Variants in LPIN1 observed in about 807,000 individuals in gnomAD.
LPIN1 encodes lipin 1.
LPIN1 carries 71 observed loss-of-function variants against 107.5 expected under a neutral mutation model. The ratio of observed to expected loss-of-function variants is 0.66; its 90% CI spans 0.55 to 0.80. LPIN1 has a LOEUF of 0.80. Ranked by LOEUF, LPIN1 falls within the 30% of genes least tolerant of loss-of-function variation. The probability of loss-of-function intolerance (pLI) is 0.00; values close to 1 mark genes in which losing one functional copy is unlikely to be tolerated. For synonymous variants in LPIN1, 445 were observed against 452.6 expected, an observed-to-expected ratio of 0.98 and a Z score of 0.21; for missense variants, 1,043 against 1,160.6, an observed-to-expected ratio of 0.90 and a Z score of 1.47.
chr2:11,741,462 T>G (rs1281221023), intron 2 of LPIN1: 17 of 1,406,614 alleles, frequency 1.2e-5, no homozygotes, highest in Non-Finnish European at 1.7e-5. Context: ...CTATTACTGT[T>G]AAGGTGTTAT....
In LPIN1 at chr2:11,697,550, C is replaced by T. The variant is rs114911827; in HGVS notation, c.82-16206C>T. Among the ~76,000 whole-genome samples the T allele has an allele frequency of 2.0e-5, 3 of 152,302 alleles. No individual in the cohort carries two copies. Among genetic ancestry groups the T allele is most frequent in the Non-Finnish European group, 4.4e-5 (3 of 68,014 alleles). Reference sequence around the variant, plus strand: ...CCTTCCTCCCTAGCACTTGGGTGCCCAGTGCTTGCTGAACCGTGGTGACCT... The same window carrying T: ...CCTTCCTCCCTAGCACTTGGGTGCCTAGTGCTTGCTGAACCGTGGTGACCT... On this transcript the variant is annotated intron_variant, in intron 1 of 21. Transcript: ENST00000449576. This position sits in a 1 kb window ranked among gnomAD's most constrained non-coding sequence, Gnocchi z 4.6.
At chr2:11,683,718 CCTGCA>C (rs1217981977) in intron 1 of LPIN1, among the ~76,000 whole-genome samples, 1 of 152,196 alleles carries the variant, frequency 6.6e-6, no homozygotes, top group African/African-American at 2.4e-5. Context: ...CCTGCCCTGC[CCTGCA>C]CTGCCGCTCT....
chr2:11,700,495 TTC>T (rs1318249122), intron 1 of LPIN1, among the ~76,000 whole-genome samples: 42 of 151,130 alleles, frequency 2.8e-4, no homozygotes, highest in African/African-American at 8.2e-4. Context: ...CTCGCTCTCA[TTC>T]TCTCTCTCTC....
intron 1 of LPIN1, among the ~76,000 whole-genome samples, chr2:11,737,338 A>G (rs1398205636): frequency 6.6e-6 from 1 of 152,174 alleles, no homozygotes; most frequent in African/African-American, 2.4e-5. Flanking sequence ...AGACTTCATG[A>G]GTAAAACACC....
chr2:11,714,800 C>T (rs116773585), intron 2 of LPIN1, among the ~76,000 whole-genome samples: 5,303 of 152,288 alleles, frequency 0.035, 150 homozygotes, highest in Middle Eastern at 0.11. Flanking sequence ...CACTTAGTCT[C>T]CACCCTCGAG....
At chr2:11,763,420 T>G (rs1419944707) in intron 1 of LPIN1, 3 of 152,438 alleles carry the variant, frequency 2.0e-5, no homozygotes, top group Non-Finnish European at 2.9e-5. Context: ...TGGTCAGGGA[T>G]CCAGAGCTAC....
At chr2:11,732,323 G>A (rs1022557633) in intron 1 of LPIN1, among the ~76,000 whole-genome samples, 3 of 152,170 alleles carry the variant, frequency 2.0e-5, no homozygotes, top group Non-Finnish European at 4.4e-5. Context: ...AAATTAAGAT[G>A]TAATTTTCCC....
intron 17 of LPIN1, among the ~76,000 whole-genome samples, chr2:11,811,584 T>C (rs1416224182): frequency 1.3e-5 from 2 of 152,260 alleles, no homozygotes; most frequent in Non-Finnish European, 2.9e-5. Context: ...CTTAGATCTC[T>C]GCAGGTGGCA....
At position 11,825,011 on chromosome 2, in the gene LPIN1, A is replaced by G. The variant is rs1021244021; in HGVS notation, c.*220A>G. On this transcript the variant is annotated 3_prime_UTR_variant, in exon 21 of 21. Transcript: ENST00000674199. The surrounding 1 kb of genome is among the most constrained non-coding windows in gnomAD (Gnocchi z 4.1). The stretch of plus-strand genomic sequence containing the variant: ...ACTTTCTAGGCTAGGAGTTGGGTGC[A>G]TTTGTACCGTGAAAAGCATTCCTCA... The G allele has an allele frequency of 1.7e-6, 1 of 590,020 alleles. No individual in the cohort carries two copies. Among genetic ancestry groups the G allele is most frequent in the South Asian group, 2.0e-5 (1 of 50,430 alleles). 36.5% of individuals were successfully genotyped at this position (590,020 alleles called of 1,614,324 possible). A position where few individuals can be genotyped will look rare whatever the true frequency, so the allele number is the denominator to read the frequency against.
At chr2:11,802,192 G>T (rs1257957226) in intron 14 of LPIN1, among the ~76,000 whole-genome samples, 3 of 152,172 alleles carry the variant, frequency 2.0e-5, no homozygotes, top group African/African-American at 7.2e-5. Context: ...GTCATAGCAG[G>T]ATTTTCATTG....
At chr2:11,756,687 G>A (rs1459920478) in intron 1 of LPIN1, among the ~76,000 whole-genome samples, 1 of 152,172 alleles carries the variant, frequency 6.6e-6, no homozygotes, top group African/African-American at 2.4e-5. Flanking sequence ...GTGAGTGCCC[G>A]GCCCCTATAT....
chr2:11,728,838 A>C (rs553797972), intron 1 of LPIN1, among the ~76,000 whole-genome samples: 48 of 152,114 alleles, frequency 3.2e-4, no homozygotes, highest in African/African-American at 1.0e-3. Flanking sequence ...CCTCTAATTC[A>C]TATCTTTAAT....
chr2:11,823,194 C>T (rs1430527947), intron 20 of LPIN1: 1 of 152,294 alleles, frequency 6.6e-6, no homozygotes, highest in Non-Finnish European at 1.5e-5. Flanking sequence ...GCTCTGCCTG[C>T]TTGGGAGGAG....
At chr2:11,747,129 G>C (rs80084875) in intron 1 of LPIN1, among the ~76,000 whole-genome samples, 1,572 of 152,328 alleles carry the variant, frequency 0.01, 22 homozygotes, top group African/African-American at 0.035. Context: ...GGATTCCAGC[G>C]CTGCAGTTGA....
Position 11,804,510 on chromosome 2 carries a change from ATC to A in LPIN1, c.2103_2104del (p.Tyr702SerfsTer6), listed in dbSNP as rs1286061728. 2 of 1,614,098 alleles carry A rather than the reference ATC, an allele frequency of 1.2e-6. No homozygotes were observed. Among genetic ancestry groups the A allele is most frequent in the African/African-American group, 2.7e-5 (2 of 74,926 alleles). ...YQGTCRCEGT[I>X]YLWNWDDKVI... ...AGGCACGTGCCGCTGTGAGGGCACC[ATC>A]TATCTGTGGAACTGGGATGATAAAG... is the stretch of plus-strand genomic sequence containing the variant. On this transcript the variant is annotated frameshift_variant, in exon 16 of 21. Coordinates refer to ENST00000674199, the MANE Select transcript of LPIN1 (RefSeq NM_001349206.2). LOFTEE classifies it high-confidence loss of function.
chr2:11,809,865 A>G (rs1007787418), intron 17 of LPIN1, among the ~76,000 whole-genome samples: 2 of 152,224 alleles, frequency 1.3e-5, no homozygotes, highest in African/African-American at 4.8e-5. Context: ...GAGTCGGGCC[A>G]GGATCCCAGA....
chr2:11,716,411 C>T (rs1452685430), intron 2 of LPIN1, among the ~76,000 whole-genome samples: 1 of 152,012 alleles, frequency 6.6e-6, no homozygotes, highest in Non-Finnish European at 1.5e-5. Flanking sequence ...TCTCCCTCTC[C>T]CTCTCGTTCA....
At position 11,765,275 on chromosome 2, in the gene LPIN1, A is replaced by G. The variant is rs1354723811; in HGVS notation, c.-9-258A>G. Among the ~76,000 whole-genome samples the G allele has an allele frequency of 6.6e-6, 1 of 150,868 alleles. No individual in the cohort carries two copies. Among genetic ancestry groups the G allele is most frequent in the Non-Finnish European group, 1.5e-5 (1 of 67,822 alleles). On this transcript the variant is annotated intron_variant, in intron 1 of 20. Coordinates refer to ENST00000674199, the MANE Select transcript of LPIN1 (RefSeq NM_001349206.2). This position sits in a 1 kb window ranked among gnomAD's most constrained non-coding sequence, Gnocchi z 4.4. ...CCCTGATGGACCCTGATGGGCCGTG[A>G]TGGACCCTGATGGGCTGTGATGGGC...
At chr2:11,772,229 C>T (rs186782963) in intron 4 of LPIN1, among the ~76,000 whole-genome samples, 20 of 152,300 alleles carry the variant, frequency 1.3e-4, no homozygotes, top group African/African-American at 3.1e-4. Flanking sequence ...GCTTGCCCGC[C>T]GCTCACCTCC....
Sources: allele counts gnomAD v4.1 joint callset (sites outside exome capture counted in the v4.1 genomes callset), GRCh38; gene constraint gnomAD v4.1.1; non-coding constraint Gnocchi (gnomAD v3.1); transcripts MANE v1.5; gene names NCBI Gene and HGNC (gene_info 2026-07-23, HGNC 2026-07-21).